Variants in ASTN2 observed in about 807,000 individuals in gnomAD.
ASTN2 encodes astrotactin 2, also known as astrotactin-2.
ASTN2 carries 54 observed loss-of-function variants against 139.8 expected under a neutral mutation model. That is an observed-to-expected ratio of 0.39 (90% CI 0.31 to 0.48). ASTN2 has a LOEUF of 0.48. Ranked by LOEUF, ASTN2 falls within the 20% of genes least tolerant of loss-of-function variation. The probability of loss-of-function intolerance (pLI) is 0.95; values close to 1 mark genes in which losing one functional copy is unlikely to be tolerated. For synonymous variants in ASTN2, 756 were observed against 719.5 expected (o/e 1.05, Z -0.81); for missense variants, 1,565 against 1,725.1 (o/e 0.91, Z 1.64).
intron 10 of ASTN2, among the ~76,000 whole-genome samples, chr9:116,898,879 C>A (rs1475226575): frequency 1.3e-5 from 2 of 151,988 alleles, no homozygotes; most frequent in African/African-American, 4.8e-5. Context: ...ACTATATCGC[C>A]CTAGCTGGTC....
chr9:116,737,492 TGTG>T (rs1421669079), intron 13 of ASTN2, among the ~76,000 whole-genome samples: 1 of 145,690 alleles, frequency 6.9e-6, no homozygotes, highest in Non-Finnish European at 1.5e-5. Flanking sequence ...TGTGTGTGTG[TGTG>T]TAGTAAAAAC....
intron 20 of ASTN2, among the ~76,000 whole-genome samples, chr9:116,454,224 A>G (rs1324397713): frequency 2.0e-5 from 3 of 152,258 alleles, no homozygotes; most frequent in Non-Finnish European, 2.9e-5. Context: ...TAGATACAAC[A>G]GAATACTAAA....
intron 5 of ASTN2, among the ~76,000 whole-genome samples, chr9:117,044,151 T>C (rs532630902): frequency 1.3e-5 from 2 of 152,312 alleles, no homozygotes; most frequent in African/African-American, 2.4e-5. Context: ...TGTCTCATCA[T>C]TGATGACAGA....
At chr9:117,197,546 C>T (rs1353048308) in intron 3 of ASTN2, 2 of 152,066 alleles carry the variant, frequency 1.3e-5, no homozygotes, top group Non-Finnish European at 2.9e-5. Context: ...TGAGATAACC[C>T]CACTGACTCC....
intron 1 of ASTN2, among the ~76,000 whole-genome samples, chr9:117,293,366 A>G (rs1344673452): frequency 6.6e-6 from 1 of 152,156 alleles, no homozygotes; most frequent in Non-Finnish European, 1.5e-5. Context: ...GTCATCTCAC[A>G]TCACTAAGCC....
chr9:116,543,510 T>C (rs1441743956), intron 19 of ASTN2, among the ~76,000 whole-genome samples: 5 of 151,892 alleles, frequency 3.3e-5, no homozygotes, highest in East Asian at 3.9e-4. Flanking sequence ...TTGCAACAGA[T>C]TGCCATAAAA....
chr9:116,831,211 G>A (rs1314001728), intron 11 of ASTN2, among the ~76,000 whole-genome samples: 1 of 152,202 alleles, frequency 6.6e-6, no homozygotes, highest in African/African-American at 2.4e-5. Flanking sequence ...GAATGGAAGG[G>A]TGGGAAGAGT....
intron 16 of ASTN2, among the ~76,000 whole-genome samples, chr9:116,705,282 T>G (rs1306389022): frequency 6.6e-6 from 1 of 152,192 alleles, no homozygotes; most frequent in Non-Finnish European, 1.5e-5. Flanking sequence ...TAAAAAGCAT[T>G]TTTGAAATTA....
intron 19 of ASTN2, among the ~76,000 whole-genome samples, chr9:116,605,825 A>C (rs1156244032): frequency 6.6e-6 from 1 of 152,120 alleles, no homozygotes. Flanking sequence ...AGCAAACTAC[A>C]CTGGAGGTAA....
chr9:116,551,579 A>G (rs994077234), intron 19 of ASTN2, among the ~76,000 whole-genome samples: 2 of 152,054 alleles, frequency 1.3e-5, no homozygotes. Flanking sequence ...AATCTTTCCC[A>G]TTTGGGGGAC....
intron 17 of ASTN2, among the ~76,000 whole-genome samples, chr9:116,645,723 A>G (rs1208825042): frequency 6.6e-6 from 1 of 152,214 alleles, no homozygotes; most frequent in Non-Finnish European, 1.5e-5. Context: ...CATTGCCAAC[A>G]GAATACAAGT....
intron 19 of ASTN2, among the ~76,000 whole-genome samples, chr9:116,566,515 G>A (rs1185341180): frequency 1.3e-5 from 2 of 152,176 alleles, no homozygotes; most frequent in African/African-American, 2.4e-5. Context: ...TCAGAACAGT[G>A]TTTCACATAG....
At chr9:116,918,934 T>C (rs1001713677) in intron 10 of ASTN2, among the ~76,000 whole-genome samples, 1 of 152,334 alleles carries the variant, frequency 6.6e-6, no homozygotes, top group Non-Finnish European at 1.5e-5. Context: ...TTTTTATGAC[T>C]AGGGATTTCT....
At chr9:117,025,855 G>T (rs1246502526) in intron 6 of ASTN2, among the ~76,000 whole-genome samples, 2 of 149,996 alleles carry the variant, frequency 1.3e-5, no homozygotes, top group Non-Finnish European at 3.0e-5. Context: ...GCAGTCGCGT[G>T]ATCTTGGCTC....
At chr9:116,932,704 A>G (rs569891647) in intron 10 of ASTN2, among the ~76,000 whole-genome samples, 5 of 152,166 alleles carry the variant, frequency 3.3e-5, no homozygotes, top group Non-Finnish European at 5.9e-5. Context: ...GCATGGACAC[A>G]GTAAAGAGCT....
intron 5 of ASTN2, among the ~76,000 whole-genome samples, chr9:117,048,635 A>G (rs1838815877): frequency 6.6e-6 from 1 of 152,214 alleles, no homozygotes; most frequent in African/African-American, 2.4e-5. Context: ...GGTGTTGACA[A>G]TGGTGTTAGA....
In ASTN2 at chr9:116,799,706, TG is replaced by T. The variant is rs71379228; in HGVS notation, c.2396+5925del. On this transcript the variant is annotated intron_variant, in intron 13 of 22. Transcript: ENST00000313400. ...AGTAGAATGAATGTGGGTAAGAGAG[TG>T]GGGGGGGGGAGAATAAAAAACAAAC... 6.2e-3 allele frequency among the ~76,000 whole-genome samples: 770 copies of T among 123,236 alleles called. 19 individuals are homozygous for T. The highest frequency in any genetic ancestry group is 0.017 in the African/African-American group (557 of 32,406). 80.8% of individuals were successfully genotyped at this position (123,236 alleles called of 152,430 possible).
intron 10 of ASTN2, among the ~76,000 whole-genome samples, chr9:116,885,387 G>A (rs997685663): frequency 9.2e-5 from 14 of 152,200 alleles, no homozygotes; most frequent in African/African-American, 3.4e-4. Context: ...AACGGAGCAC[G>A]GAGCACAGTG....
intron 14 of ASTN2, among the ~76,000 whole-genome samples, chr9:116,729,738 A>T (rs948143629): frequency 6.6e-6 from 1 of 152,256 alleles, no homozygotes; most frequent in African/African-American, 2.4e-5. Context: ...ATTATGTAAA[A>T]TATACGTATA....
Sources: gnomAD v4.1 joint callset for allele counts (sites outside exome capture counted in the v4.1 genomes callset) on GRCh38, gnomAD v4.1.1 for gene constraint, MANE v1.5 for transcripts, NCBI Gene and HGNC (gene_info 2026-07-23, HGNC 2026-07-21) for gene names.